The following HAUS7 variants were observed in gnomAD, a reference collection of about 807,000 sequenced individuals.
The protein encoded by HAUS7 is HAUS augmin-like complex subunit 7.
HAUS7 carries 3 observed loss-of-function variants against 28.4 expected under a neutral mutation model. The observed-to-expected ratio is 0.11, with a 90% CI of 0.05 to 0.27. The LOEUF (loss-of-function observed/expected upper bound fraction) is 0.27, where lower values mean the gene tolerates loss of function less well. Among genes scored for constraint, HAUS7 ranks in the 10% least tolerant of loss-of-function variants. HAUS7 has a pLI of 1.00. For missense variants in HAUS7, 284 were observed against 297.3 expected (o/e 0.96, Z 0.33); for synonymous variants, 165 against 132.1 (o/e 1.25, Z -1.71).
chrX:153,461,957 C>G, intron 4 of HAUS7: 1 of 441,392 alleles, frequency 2.3e-6, no homozygotes, highest in Non-Finnish European at 4.0e-6. Context: ...TCACTGACGT[C>G]TTATGTCTCC....
At chrX:153,487,112 G>T in intron 1 of HAUS7, 1 of 234,401 alleles carries the variant, frequency 4.3e-6, no homozygotes. Flanking sequence ...TGCGGTTCCT[G>T]GGCTGCACCT....
intron 2 of HAUS7, among the ~76,000 whole-genome samples, chrX:153,467,013 G>A (rs1556984372): frequency 8.9e-6 from 1 of 111,798 alleles, no homozygotes; most frequent in Non-Finnish European, 1.9e-5. Context: ...GCGTGGCTTT[G>A]GCCTCCTACC....
chrX:153,447,867 C>G lies in HAUS7; in HGVS notation c.*11G>C, dbSNP rs2089182356. ...TCCTGTGCTTTGGCGTAGGCCATCA[C>G]TGAAGACTTTCTATTTCTCCATTAG... On this transcript the variant is annotated 3_prime_UTR_variant, in exon 10 of 10. Coordinates refer to ENST00000370211, the MANE Select transcript of HAUS7 (RefSeq NM_001385482.1). The G allele has an allele frequency of 3.4e-6, 4 of 1,193,752 alleles. No homozygotes were observed. Among genetic ancestry groups the G allele is most frequent in the Admixed American group, 4.3e-5 (2 of 46,055 alleles).
At chrX:153,482,901 C>A in intron 1 of HAUS7, 1 of 240,539 alleles carries the variant, frequency 4.2e-6, no homozygotes. Flanking sequence ...GATGGGGAGG[C>A]AACATTGTTA....
upstream of HAUS7, chrX:153,470,914 C>T (rs1556985192): frequency 4.0e-5 from 14 of 346,684 alleles, no homozygotes; most frequent in Non-Finnish European, 7.7e-5. Flanking sequence ...GGCTCTGAGT[C>T]GCAGGCCTTG....
upstream of HAUS7, among the ~76,000 whole-genome samples, chrX:153,471,440 T>A (rs1452855060): frequency 8.9e-6 from 1 of 112,319 alleles, no homozygotes; most frequent in African/African-American, 3.2e-5. Context: ...CTTAACAAAT[T>A]TTTCTACATC....
At position 153,493,928 on chromosome X, in the gene HAUS7, G is replaced by A. The variant is rs782571338; in HGVS notation, c.-589+1446C>T. The stretch of plus-strand genomic sequence containing the variant: ...CCCCTCTCTCCCTCTCTGCCCCTTC[G>A]AGCTTTTTCTCTCAATATGCAATTT... On this transcript the variant is annotated intron_variant, in intron 1 of 5. Transcript: ENST00000370210. 1.8e-3 allele frequency among the ~76,000 whole-genome samples: 198 copies of A among 112,211 alleles called. 1 individual carries two copies. The highest frequency in any genetic ancestry group is 6.2e-3 in the African/African-American group (193 of 30,893).
intron 2 of HAUS7, 40 bp downstream of exon 2, chrX:153,469,106 G>A (rs782543804): frequency 1.7e-5 from 14 of 807,041 alleles, no homozygotes; most frequent in Admixed American, 1.4e-4. Flanking sequence ...TGGCGCCCAT[G>A]CACACCCCAG....
intron 1 of HAUS7, among the ~76,000 whole-genome samples, chrX:153,492,037 C>T (rs1339421737): frequency 8.9e-6 from 1 of 112,461 alleles, no homozygotes; most frequent in Non-Finnish European, 1.9e-5. Flanking sequence ...CTGTCTGCCG[C>T]GGGTTCCTGG....
chrX:153,476,029 C>T (rs1005289907), intron 1 of HAUS7, among the ~76,000 whole-genome samples: 3 of 55,143 alleles, frequency 5.4e-5, no homozygotes, highest in Non-Finnish European at 7.0e-5. Context: ...CTCCACCCCA[C>T]AGCCTGAGGG....
intron 2 of HAUS7, among the ~76,000 whole-genome samples, chrX:153,468,191 C>A (rs1289010165): frequency 2.7e-5 from 3 of 112,481 alleles, no homozygotes; most frequent in African/African-American, 9.7e-5. Flanking sequence ...CTGCTGATGT[C>A]TCTGGTCCTG....
chrX:153,469,773 T>C (rs1427278425), intron 1 of HAUS7, among the ~76,000 whole-genome samples: 1 of 111,943 alleles, frequency 8.9e-6, no homozygotes, highest in Non-Finnish European at 1.9e-5. Flanking sequence ...CTCTGGGCTC[T>C]TGTGGCAGCA....
At chrX:153,480,803 C>T (rs2089594832) in intron 1 of HAUS7, 4 of 753,775 alleles carry the variant, frequency 5.3e-6, no homozygotes, top group East Asian at 1.5e-4. Context: ...AGGGCCTGGT[C>T]GCTGAGTGGG....
intron 1 of HAUS7, among the ~76,000 whole-genome samples, chrX:153,493,055 G>A (rs1244837185): frequency 3.6e-5 from 4 of 112,166 alleles, no homozygotes; most frequent in Non-Finnish European, 7.5e-5. Context: ...CACACGATTT[G>A]CGCATTGAGC....
intron 1 of HAUS7, among the ~76,000 whole-genome samples, chrX:153,478,866 C>G (rs1240903523): frequency 5.3e-5 from 6 of 112,829 alleles, no homozygotes; most frequent in Non-Finnish European, 1.1e-4. Flanking sequence ...GCCCAGCAGC[C>G]TGCGGTGGCC....
In HAUS7 at chrX:153,456,754, C is replaced by T. The variant is rs1261279544; in HGVS notation, c.447-103G>A. ...GCCCCAGAAGCACATCGGGGCCAGG[C>T]ACAGAGGCCAGGACAAGCCCCACCG... On this transcript the variant is annotated intron_variant, in intron 5 of 9. Coordinates refer to ENST00000370211, the MANE Select transcript of HAUS7 (RefSeq NM_001385482.1). The T allele has an allele frequency of 7.7e-6, 5 of 647,739 alleles. No homozygotes were observed. In the East Asian group the frequency reaches 1.8e-4, roughly 23 times the overall value. 53.4% of individuals were successfully genotyped at this position (647,739 alleles called of 1,213,427 possible).
intron 2 of HAUS7, among the ~76,000 whole-genome samples, chrX:153,468,493 C>T (rs781861916): frequency 1.8e-5 from 2 of 112,376 alleles, no homozygotes; most frequent in Non-Finnish European, 3.8e-5. Flanking sequence ...GACTACGTCA[C>T]CAGGGGAAGG....
At position 153,470,436 on chromosome X, in the gene HAUS7, TG is replaced by T; in HGVS notation, c.108+13del. On this transcript the variant is annotated intron_variant, in intron 1 of 9. Coordinates refer to ENST00000370211, the MANE Select transcript of HAUS7 (RefSeq NM_001385482.1). ...GGTCCCCCGCCCTGGAGTGGCTTTC[TG>T]GGCCAACAGCACCTTCAGCTTCCCG... The T allele has an allele frequency of 8.3e-7, 1 of 1,206,135 alleles. No homozygotes were observed.
intron 4 of HAUS7, chrX:153,461,809 G>A (rs1349172561): frequency 1.1e-5 from 3 of 281,694 alleles, no homozygotes; most frequent in Non-Finnish European, 1.9e-5. Flanking sequence ...TGGTGCCGCC[G>A]CACTGGAAAA....
Sources: allele counts gnomAD v4.1 joint callset (sites outside exome capture counted in the v4.1 genomes callset), GRCh38; gene constraint gnomAD v4.1.1; transcripts MANE v1.5; gene names NCBI Gene and HGNC (gene_info 2026-07-23, HGNC 2026-07-21).